The following ATM variants were observed in gnomAD, a reference collection of about 807,000 sequenced individuals.
ATM encodes serine-protein kinase ATM.
Under a neutral mutation model 387.0 loss-of-function variants are expected in ATM, and 308 were observed. That is an observed-to-expected ratio of 0.80 (90% CI 0.73 to 0.87). ATM has a LOEUF of 0.87. ATM is among the 40% of genes least tolerant of loss of function. The pLI is 0.00. For synonymous variants in ATM, 1,156 were observed against 1,187.3 expected, an observed-to-expected ratio of 0.97 and a Z score of 0.54; for missense variants, 3,312 against 3,560.9, an observed-to-expected ratio of 0.93 and a Z score of 1.78.
chr11:108,324,369 A>G (rs1181359290), intron 45 of ATM, among the ~76,000 whole-genome samples: 3 of 152,102 alleles, frequency 2.0e-5, no homozygotes, highest in Admixed American at 6.6e-5. Flanking sequence ...ATTGTTATTT[A>G]TGATATATAG....
chr11:108,281,673 C>T (rs549121022), intron 24 of ATM, among the ~76,000 whole-genome samples: 71 of 152,300 alleles, frequency 4.7e-4, no homozygotes, highest in African/African-American at 1.7e-3. Context: ...TCCATCACCT[C>T]AGCATTTATG....
rs1413666553 is a variant in ATM at position 108,261,852 on chromosome 11, C to A, written c.2466+2777C>A. On this transcript the variant is annotated intron_variant, in intron 16 of 62. Transcript: ENST00000675843. ...GTGAAGAATGCAGAAGCCTCAGGAG[C>A]CGATGCGATCAACTGGAAGAAAGGG... 2.0e-5 allele frequency among the ~76,000 whole-genome samples: 3 copies of A among 152,018 alleles called. No individual in the cohort carries two copies. In the South Asian group the frequency reaches 6.2e-4, roughly 32 times the overall value.
At chr11:108,261,614 C>T (rs1316348361) in intron 16 of ATM, among the ~76,000 whole-genome samples, 9 of 152,212 alleles carry the variant, frequency 5.9e-5, no homozygotes, top group South Asian at 4.1e-4. Flanking sequence ...TCACCAGCAA[C>T]GGAACAAAGC....
At chr11:108,268,847 A>C (rs910114573) in intron 18 of ATM, among the ~76,000 whole-genome samples, 1 of 152,240 alleles carries the variant, frequency 6.6e-6, no homozygotes, top group Non-Finnish European at 1.5e-5. Flanking sequence ...TTTAGGTTTA[A>C]TTGTTATAAA....
chr11:108,337,235 AG>A (rs1315857855), intron 56 of ATM, among the ~76,000 whole-genome samples: 1 of 152,204 alleles, frequency 6.6e-6, no homozygotes, highest in East Asian at 1.9e-4. Flanking sequence ...CTGTTCATTA[AG>A]GAAAGCACAA....
At chr11:108,238,179 A>G (rs1192889742) in intron 5 of ATM, among the ~76,000 whole-genome samples, 4 of 152,034 alleles carry the variant, frequency 2.6e-5, no homozygotes, top group Non-Finnish European at 5.9e-5. Flanking sequence ...CACCTGCCTC[A>G]GCCTCCCAAA....
At position 108,328,941 on chromosome 11, in the gene ATM, G is replaced by A. The variant is rs1280257381; in HGVS notation, c.7090-80G>A. ...ATATGTATATAAGTTAAATTTTAGTGTATTACCTTAATTTGAGTGATTCTT... is the reference window on the plus strand; with the variant it reads ...ATATGTATATAAGTTAAATTTTAGTATATTACCTTAATTTGAGTGATTCTT... On this transcript the variant is annotated intron_variant, in intron 48 of 62. Transcript: ENST00000675843. The A allele has an allele frequency of 7.2e-6, 10 of 1,386,794 alleles. No individual in the cohort carries two copies. In the East Asian group the frequency reaches 2.0e-4, roughly 28 times the overall value. The allele number at this position is 1,386,794 out of a possible 1,614,324, so 85.9% of individuals were successfully genotyped here.
At chr11:108,262,580 G>A (rs1047285192) in intron 16 of ATM, among the ~76,000 whole-genome samples, 5 of 152,284 alleles carry the variant, frequency 3.3e-5, no homozygotes, top group East Asian at 1.9e-4. Context: ...ATCAACTAAT[G>A]AGCAAAATAA....
At chr11:108,274,719 C>T (rs1237879601) in intron 22 of ATM, among the ~76,000 whole-genome samples, 1 of 152,162 alleles carries the variant, frequency 6.6e-6, no homozygotes, top group East Asian at 1.9e-4. Context: ...TTTGATTGCA[C>T]TGTGATCTGA....
intron 38 of ATM, chr11:108,308,958 A>G: frequency 1.4e-6 from 2 of 1,481,370 alleles, no homozygotes; most frequent in South Asian, 1.2e-5. Context: ...CCTTTGAGTC[A>G]TTCATTTCAG....
intron 31 of ATM, 63 bp downstream of exon 31, chr11:108,293,540 C>T: frequency 1.5e-6 from 2 of 1,359,304 alleles, no homozygotes; most frequent in Non-Finnish European, 2.1e-6. Context: ...TTTCAAAAAT[C>T]TGTAATGCTC....
chr11:108,321,801 C>CT (rs1491149654), intron 45 of ATM, among the ~76,000 whole-genome samples: 1 of 150,526 alleles, frequency 6.6e-6, no homozygotes, highest in African/African-American at 2.4e-5. Context: ...AAAAAAAAAA[C>CT]TATGTAGAGA....
At chr11:108,245,589 T>C (rs1265784101) in intron 7 of ATM, among the ~76,000 whole-genome samples, 3 of 152,106 alleles carry the variant, frequency 2.0e-5, no homozygotes, top group Admixed American at 6.5e-5. Flanking sequence ...TTCTCCTTAA[T>C]TCCTTCATAT....
chr11:108,245,759 T>G (rs2135252528), intron 7 of ATM, among the ~76,000 whole-genome samples: 1 of 152,180 alleles, frequency 6.6e-6, no homozygotes, highest in Admixed American at 6.5e-5. Flanking sequence ...ATAGTGACTT[T>G]CTTAAAACAG....
chr11:108,301,046 G>C (rs902558140), intron 34 of ATM, among the ~76,000 whole-genome samples: 5 of 151,938 alleles, frequency 3.3e-5, no homozygotes, highest in Non-Finnish European at 5.9e-5. Context: ...ATGTGCTTGA[G>C]CCACACCACA....
intron 16 of ATM, among the ~76,000 whole-genome samples, chr11:108,259,485 C>T (rs1364198301): frequency 1.3e-5 from 2 of 151,764 alleles, no homozygotes; most frequent in East Asian, 3.9e-4. Flanking sequence ...GACTCCATCT[C>T]AAAAATAAAA....
chr11:108,249,129 G>A (rs765964889), intron 9 of ATM, 27 bp downstream of exon 9: 6 of 1,612,410 alleles, frequency 3.7e-6, no homozygotes, highest in Non-Finnish European at 5.1e-6. Context: ...TTCTCATTCA[G>A]TGTCATTTTA....
chr11:108,276,193 C>T (rs915855709), intron 22 of ATM, among the ~76,000 whole-genome samples: 2 of 152,300 alleles, frequency 1.3e-5, no homozygotes, highest in African/African-American at 4.8e-5. Flanking sequence ...TCTCATCCTG[C>T]ATTTTTCAGC....
chr11:108,230,851 G>A (rs1309432346), intron 4 of ATM: 1 of 152,200 alleles, frequency 6.6e-6, no homozygotes, highest in Non-Finnish European at 1.5e-5. Context: ...ATAGGCATGG[G>A]CCACCATGTC....
Sources: gnomAD v4.1 joint callset for allele counts (sites outside exome capture counted in the v4.1 genomes callset) on GRCh38, gnomAD v4.1.1 for gene constraint, MANE v1.5 for transcripts, NCBI Gene and HGNC (gene_info 2026-07-23, HGNC 2026-07-21) for gene names.